The following TOX variants were observed in gnomAD, a reference collection of about 807,000 sequenced individuals.
TOX encodes the protein thymocyte selection associated high mobility group box.
A neutral mutation model predicts 53.7 loss-of-function variants in TOX; 11 were observed. That is an observed-to-expected ratio of 0.20 (90% CI 0.13 to 0.34). The LOEUF (loss-of-function observed/expected upper bound fraction) is 0.34. Among genes scored for constraint, TOX ranks in the 10% least tolerant of loss-of-function variants. The pLI is 1.00. For missense variants in TOX, 570 were observed against 664.6 expected (o/e 0.86, Z 1.56); for synonymous variants, 225 against 245.3 (o/e 0.92, Z 0.77).
intron 1 of TOX, among the ~76,000 whole-genome samples, chr8:59,027,502 T>G (rs545865247): frequency 1.3e-5 from 2 of 152,302 alleles, no homozygotes; most frequent in South Asian, 4.1e-4. Flanking sequence ...TGAAAATGTT[T>G]TCTTTTTAAA....
At chr8:58,892,421 T>C (rs1329681926) in intron 3 of TOX, among the ~76,000 whole-genome samples, 2 of 152,170 alleles carry the variant, frequency 1.3e-5, no homozygotes, top group East Asian at 3.9e-4. Context: ...GTGGGTACTG[T>C]AACAGTTAAA....
chr8:58,814,434 T>G (rs985444181), intron 7 of TOX: 1 of 152,214 alleles, frequency 6.6e-6, no homozygotes, highest in Non-Finnish European at 1.5e-5. Flanking sequence ...CTATAAAAGA[T>G]TGCCAGTGTC....
chr8:58,943,601 C>CTT (rs575704112), intron 2 of TOX, among the ~76,000 whole-genome samples: 1 of 139,972 alleles, frequency 7.1e-6, no homozygotes. Context: ...AAGAGGACTA[C>CTT]TTTTTTTTTT....
intron 3 of TOX, among the ~76,000 whole-genome samples, chr8:58,898,089 A>G (rs1471477749): frequency 6.6e-6 from 1 of 152,216 alleles, no homozygotes; most frequent in Non-Finnish European, 1.5e-5. Flanking sequence ...TTTATCTGGT[A>G]AGCACATGGT....
rs1810004063 is a variant in TOX at position 58,807,750 on chromosome 8, A to G, written c.1578T>C (p.Thr526=). 1 of 1,614,132 alleles carries G rather than the reference A, an allele frequency of 6.2e-7. No homozygotes were observed. Among genetic ancestry groups the G allele is most frequent in the Non-Finnish European group, 8.5e-7 (1 of 1,179,978 alleles). Residue 526 remains threonine (T), a synonymous_variant, in exon 9 of 9, where the codon ACT becomes ACC. Transcript: ENST00000361421. ...GMQRDKALYL[T] ...GAAAGAAGAGGTGTTCAGATTCTCA[A>G]GTAAGGTACAGTGCTTTGTCCCTCT...
intron 1 of TOX, among the ~76,000 whole-genome samples, chr8:59,007,488 A>C (rs1813813948): frequency 6.6e-6 from 1 of 151,984 alleles, no homozygotes; most frequent in African/African-American, 2.4e-5. Flanking sequence ...CTATTTTCAG[A>C]AAAAAAATAT....
chr8:59,051,025 C>CTATG (rs1803778891), intron 1 of TOX, among the ~76,000 whole-genome samples: 1 of 152,078 alleles, frequency 6.6e-6, no homozygotes, highest in South Asian at 2.1e-4. Context: ...CTCACATGCT[C>CTATG]TATGGCATAA....
intron 3 of TOX, among the ~76,000 whole-genome samples, chr8:58,899,182 A>G (rs533525584): frequency 4.2e-4 from 64 of 152,354 alleles, no homozygotes; most frequent in Non-Finnish European, 7.9e-4. Flanking sequence ...GGTACAGGCT[A>G]ACATAATCAT....
chr8:59,033,074 A>C (rs1000425908), intron 1 of TOX, among the ~76,000 whole-genome samples: 2 of 152,102 alleles, frequency 1.3e-5, no homozygotes, highest in South Asian at 2.1e-4. Context: ...AGAAAGAAAA[A>C]AAGAAACCAA....
At chr8:58,901,171 C>T (rs1012507969) in intron 3 of TOX, among the ~76,000 whole-genome samples, 1 of 152,108 alleles carries the variant, frequency 6.6e-6, no homozygotes, top group African/African-American at 2.4e-5. Flanking sequence ...TAGTACAACA[C>T]ATTAAAATCA....
chr8:58,914,759 A>T (rs1418753774), intron 3 of TOX, among the ~76,000 whole-genome samples: 1 of 133,218 alleles, frequency 7.5e-6, no homozygotes, highest in South Asian at 2.3e-4. Context: ...GACGCAGAAG[A>T]CGGGTGATTT....
At chr8:59,005,281 A>G (rs1258597465) in intron 1 of TOX, among the ~76,000 whole-genome samples, 1 of 152,070 alleles carries the variant, frequency 6.6e-6, no homozygotes, top group Non-Finnish European at 1.5e-5. Flanking sequence ...CTTGTGATCC[A>G]CCTGCCTCGG....
At chr8:59,009,593 G>A (rs868483747) in intron 1 of TOX, among the ~76,000 whole-genome samples, 4 of 151,980 alleles carry the variant, frequency 2.6e-5, no homozygotes, top group African/African-American at 7.3e-5. Context: ...GGCTGGTCTC[G>A]AACTCCTGAC....
intron 1 of TOX, among the ~76,000 whole-genome samples, chr8:59,056,472 G>GA (rs1230052494): frequency 2.9e-5 from 3 of 104,430 alleles, no homozygotes; most frequent in East Asian, 2.4e-4. Context: ...GAAAAGAAAA[G>GA]AAAAAAAAGA....
chr8:58,887,259 T>C (rs896912309), intron 3 of TOX, among the ~76,000 whole-genome samples: 6 of 151,964 alleles, frequency 3.9e-5, no homozygotes, highest in Admixed American at 2.0e-4. Context: ...GCCTGTTCTT[T>C]AGTTTTATTT....
At chr8:58,868,022 C>T (rs1467996421) in intron 3 of TOX, among the ~76,000 whole-genome samples, 1 of 151,974 alleles carries the variant, frequency 6.6e-6, no homozygotes, top group Non-Finnish European at 1.5e-5. Flanking sequence ...TCCCATAATC[C>T]CCACATGTCA....
intron 1 of TOX, among the ~76,000 whole-genome samples, chr8:59,051,352 G>A (rs1233304067): frequency 6.6e-6 from 1 of 152,050 alleles, no homozygotes; most frequent in Non-Finnish European, 1.5e-5. Context: ...TAAAACCTTC[G>A]AGATTATGTC....
chr8:59,105,212 G>A (rs1804879761), intron 1 of TOX, among the ~76,000 whole-genome samples: 1 of 152,082 alleles, frequency 6.6e-6, no homozygotes, highest in African/African-American at 2.4e-5. Flanking sequence ...CTGAAAATAA[G>A]AAGTTATAAT....
At chr8:58,914,733 A>G (rs1344328246) in intron 3 of TOX, among the ~76,000 whole-genome samples, 1 of 151,684 alleles carries the variant, frequency 6.6e-6, no homozygotes, top group Non-Finnish European at 1.5e-5. Context: ...TCTGGTCTAC[A>G]GCTCCCAGCG....
Sources: gnomAD v4.1 joint callset for allele counts (sites outside exome capture counted in the v4.1 genomes callset) on GRCh38, gnomAD v4.1.1 for gene constraint, MANE v1.5 for transcripts, NCBI Gene and HGNC (gene_info 2026-07-23, HGNC 2026-07-21) for gene names.